SCP2: variants seen among roughly 807,000 people sequenced by gnomAD.
SCP2 encodes sterol carrier protein 2.
SCP2 carries 48 observed loss-of-function variants against 71.4 expected under a neutral mutation model. The observed-to-expected ratio is 0.67, with a 90% confidence interval of 0.53 to 0.86. The LOEUF (loss-of-function observed/expected upper bound fraction) is 0.86. SCP2 is among the 40% of genes least tolerant of loss of function. The probability of loss-of-function intolerance (pLI) is 0.00; values close to 1 mark genes in which losing one functional copy is unlikely to be tolerated. For missense variants in SCP2, 560 were observed against 655.6 expected, an observed-to-expected ratio of 0.85 and a Z score of 1.59; for synonymous variants, 220 against 218.1, an observed-to-expected ratio of 1.01 and a Z score of -0.08.
chr1:52,976,482 C>G (rs567675226), intron 7 of SCP2, among the ~76,000 whole-genome samples: 1 of 152,018 alleles, frequency 6.6e-6, no homozygotes, highest in Non-Finnish European at 1.5e-5. Context: ...GGACAAAGAC[C>G]AAATTTTAAA....
intron 7 of SCP2, among the ~76,000 whole-genome samples, chr1:52,975,110 G>A (rs1232302863): frequency 1.3e-5 from 2 of 151,596 alleles, no homozygotes; most frequent in African/African-American, 2.4e-5. Flanking sequence ...GTGCAGTGGC[G>A]TGATCTCGGC....
intron 11 of SCP2, among the ~76,000 whole-genome samples, chr1:53,005,603 A>T (rs559276426): frequency 1.7e-3 from 261 of 152,306 alleles, no homozygotes; most frequent in Non-Finnish European, 2.8e-3. Context: ...GGACATTCAC[A>T]CCAAAACCCC....
intron 9 of SCP2, 139 bp downstream of exon 9, chr1:52,978,506 T>C (rs1426148656): frequency 2.8e-6 from 2 of 713,432 alleles, no homozygotes; most frequent in Non-Finnish European, 4.8e-6. Context: ...TGACTATGCC[T>C]AGAACTCCAA....
chr1:52,981,280 C>A (rs1658469863), intron 10 of SCP2, among the ~76,000 whole-genome samples: 1 of 152,192 alleles, frequency 6.6e-6, no homozygotes, highest in South Asian at 2.1e-4. Context: ...TGCCTTTTAA[C>A]TGGAGTGTCG....
chr1:52,961,705 A>G, intron 6 of SCP2, 76 bp downstream of exon 6: 1 of 1,318,628 alleles, frequency 7.6e-7, no homozygotes. Context: ...TTATTTATTA[A>G]GGAACTGTGG....
chr1:52,980,839 TG>T (rs1658420151), intron 10 of SCP2, among the ~76,000 whole-genome samples: 1 of 152,270 alleles, frequency 6.6e-6, no homozygotes, highest in Non-Finnish European at 1.5e-5. Flanking sequence ...GCTTATTCTT[TG>T]CATGAGATTT....
At chr1:52,993,555 C>T (rs1659694036) in intron 11 of SCP2, 58 of 1,612,106 alleles carry the variant, frequency 3.6e-5, no homozygotes, top group Non-Finnish European at 4.9e-5. Context: ...AAGCCCTCGC[C>T]AGTCCTCATA....
intron 13 of SCP2, among the ~76,000 whole-genome samples, chr1:53,029,888 A>ACC (rs113166627): frequency 1.3e-4 from 19 of 144,388 alleles, no homozygotes; most frequent in Admixed American, 2.7e-4. Flanking sequence ...CTAAATCTTT[A>ACC]CCCCCTGTTT....
chr1:52,976,024 T>C (rs1434565400), intron 7 of SCP2, among the ~76,000 whole-genome samples: 1 of 152,222 alleles, frequency 6.6e-6, no homozygotes, highest in Non-Finnish European at 1.5e-5. Flanking sequence ...TACTTAAAAT[T>C]ACAGTTTTAT....
At chr1:52,998,936 A>G (rs562620171) in intron 11 of SCP2, among the ~76,000 whole-genome samples, 2 of 152,356 alleles carry the variant, frequency 1.3e-5, no homozygotes, top group East Asian at 3.9e-4. Flanking sequence ...CAATTTTTAA[A>G]TATTCAAAGA....
chr1:53,003,741 G>A (rs1488593059), intron 11 of SCP2, among the ~76,000 whole-genome samples: 1 of 151,842 alleles, frequency 6.6e-6, no homozygotes, highest in Non-Finnish European at 1.5e-5. Context: ...TTCCCAGGCT[G>A]GTCTCAAACT....
chr1:52,940,916 A>C (rs1654173942), intron 1 of SCP2, among the ~76,000 whole-genome samples: 1 of 152,038 alleles, frequency 6.6e-6, no homozygotes, highest in Admixed American at 6.6e-5. Context: ...TGCCTGGCTA[A>C]TTTTTGTATT....
intron 13 of SCP2, among the ~76,000 whole-genome samples, chr1:53,034,445 TGA>T (rs1297862501): frequency 6.6e-6 from 1 of 152,142 alleles, no homozygotes; most frequent in Non-Finnish European, 1.5e-5. Flanking sequence ...TGCCGGGGAC[TGA>T]GGGGTGGAGG....
chr1:53,018,104 C>T lies in SCP2; in HGVS notation c.1235+3061C>T, dbSNP rs1474754542. ...TCCTGACCTCAGGTAATCCACCTGC[C>T]TCTGCCTCCCAAAGTGCTGAGATTA... On this transcript the variant is annotated intron_variant, in intron 12 of 15. Coordinates refer to ENST00000371514, the MANE Select transcript of SCP2 (RefSeq NM_002979.5). Among the ~76,000 whole-genome samples the T allele has an allele frequency of 3.3e-5, 5 of 152,164 alleles. No individual in the cohort carries two copies. The East Asian group carries it at 9.6e-4, about 29-fold the overall frequency.
chr1:52,939,581 T>C (rs1654030881), intron 1 of SCP2, among the ~76,000 whole-genome samples: 1 of 152,156 alleles, frequency 6.6e-6, no homozygotes. Flanking sequence ...CACCCATTTG[T>C]AGGTTTTTAT....
At chr1:52,979,807 A>T (rs1312481814) in intron 9 of SCP2, among the ~76,000 whole-genome samples, 1 of 152,042 alleles carries the variant, frequency 6.6e-6, no homozygotes, top group Admixed American at 6.6e-5. Context: ...TTTAGTACAA[A>T]ATTGAATATG....
In SCP2 at chr1:53,024,674, G is replaced by A. The variant is rs189954887; in HGVS notation, c.1236-3295G>A. 3.7e-3 allele frequency among the ~76,000 whole-genome samples: 560 copies of A among 150,892 alleles called. 10 individuals are homozygous for A. Among genetic ancestry groups the A allele is most frequent in the African/African-American group, 0.013 (535 of 41,042 alleles). ...CAACCTTTGTCTCCTGGGTTCAAGC[G>A]AATTCTCCTGCCTCAGACTCCCGAG... On this transcript the variant is annotated intron_variant, in intron 12 of 15. Transcript: ENST00000371514.
At chr1:53,029,752 G>C (rs998184277) in intron 13 of SCP2, among the ~76,000 whole-genome samples, 3 of 152,198 alleles carry the variant, frequency 2.0e-5, no homozygotes, top group African/African-American at 7.2e-5. Context: ...CTGAGGGAGA[G>C]CAGGGCCAGG....
At chr1:53,044,343 C>T (rs1663646277) in intron 14 of SCP2, among the ~76,000 whole-genome samples, 3 of 152,196 alleles carry the variant, frequency 2.0e-5, no homozygotes, top group Admixed American at 6.5e-5. Flanking sequence ...CAGGTGTGAG[C>T]CAGCGCACCC....
Sources: gnomAD v4.1 joint callset for allele counts (sites outside exome capture counted in the v4.1 genomes callset) on GRCh38, gnomAD v4.1.1 for gene constraint, MANE v1.5 for transcripts, NCBI Gene and HGNC (gene_info 2026-07-23, HGNC 2026-07-21) for gene names.